Variants in PRDM10 observed in about 807,000 individuals in gnomAD.
PRDM10 encodes PR/SET domain 10, also known as PR domain zinc finger protein 10.
PRDM10 carries 65 observed loss-of-function variants against 133.1 expected under a neutral mutation model. That is an observed-to-expected ratio of 0.49 (90% CI 0.40 to 0.60). PRDM10 has a LOEUF of 0.60. Ranked by LOEUF, PRDM10 falls within the 20% of genes least tolerant of loss-of-function variation. The pLI, the probability that PRDM10 is intolerant of heterozygous loss-of-function variation, is 0.00. For synonymous variants in PRDM10, 582 were observed against 580.4 expected (o/e 1.00, Z -0.04); for missense variants, 1,137 against 1,507.1 (o/e 0.75, Z 4.07).
intron 11 of PRDM10, 94 bp downstream of exon 11, chr11:129,930,922 G>A (rs994486370): frequency 5.4e-6 from 8 of 1,478,218 alleles, no homozygotes; most frequent in Non-Finnish European, 7.2e-6. Flanking sequence ...AGATTTCAGA[G>A]AGGAAGGTGA....
At chr11:129,937,093 G>T (rs550412766) in intron 8 of PRDM10, among the ~76,000 whole-genome samples, 6 of 152,226 alleles carry the variant, frequency 3.9e-5, no homozygotes, top group African/African-American at 9.7e-5. Flanking sequence ...GAAGTCAGGA[G>T]AGAGTTACGC....
At position 129,918,810 on chromosome 11, in the gene PRDM10, A is replaced by C. The variant is rs567963417; in HGVS notation, c.2035-92T>G. 43 of 1,259,494 alleles carry C rather than the reference A, an allele frequency of 3.4e-5. No homozygotes were observed. In the South Asian group the frequency reaches 5.7e-4, roughly 17 times the overall value. 78.0% of individuals were successfully genotyped at this position (1,259,494 alleles called of 1,614,324 possible). A position where few individuals can be genotyped will look rare whatever the true frequency, so the allele number is the denominator to read the frequency against. On this transcript the variant is annotated intron_variant, in intron 13 of 20. Transcript: ENST00000360871. The surrounding 1 kb of genome is among the most constrained non-coding windows in gnomAD (Gnocchi z 5.3). ...ATTTTAAAAATCAATACAAATTAGC[A>C]GTCACCACAAGCCTCCAAGAGACAT... is the stretch of plus-strand genomic sequence containing the variant.
chr11:129,985,793 A>T (rs1938379994), intron 1 of PRDM10, among the ~76,000 whole-genome samples: 1 of 121,170 alleles, frequency 8.3e-6, no homozygotes, highest in African/African-American at 3.9e-5. Flanking sequence ...AAAAAAAAAA[A>T]AAAAAAAAAA....
Position 129,939,972 on chromosome 11 carries a change from T to C in PRDM10, c.967-2302A>G, listed in dbSNP as rs1354317872. Among the ~76,000 whole-genome samples, 5 of 152,192 alleles carry C rather than the reference T, an allele frequency of 3.3e-5. No individual in the cohort carries two copies. The South Asian group carries it at 1.0e-3, about 32-fold the overall frequency. ...CAGCAGAACACTTATTTTTAAAATA[T>C]TGCAGCTGCTTCACATTCTCAATGG... On this transcript the variant is annotated intron_variant, in intron 7 of 20. Coordinates refer to ENST00000360871, the MANE Select transcript of PRDM10 (RefSeq NM_199437.2).
rs767669456 is a variant in PRDM10 at position 129,914,767 on chromosome 11, C to T, written c.2778G>A (p.Ser926=). ...GCTGCTGGAGGCCAGACGCCGACTG[C>T]GACACAGGGATGTACTGAATTCTCT... ...DYQRIQYIPV[S]QSASGLQQPQ... is the part of the protein sequence containing the mutation. Residue 926 remains serine, a synonymous_variant, in exon 17 of 21, where the codon TCG becomes TCA. Transcript: ENST00000360871. 2.2e-5 allele frequency: 35 copies of T among 1,614,110 alleles called. No individual in the cohort carries two copies. Among genetic ancestry groups the T allele is most frequent in the African/African-American group, 4.0e-5 (3 of 74,922 alleles).
intron 1 of PRDM10, among the ~76,000 whole-genome samples, chr11:129,998,203 CTGAG>C (rs1342959462): frequency 2.4e-4 from 36 of 152,026 alleles, no homozygotes; most frequent in Non-Finnish European, 8.8e-5. Context: ...ATCTCAAAAT[CTGAG>C]TGTATGTATT....
rs1555114095 is a variant in PRDM10, at chr11:129,985,809, A to AATATATATATATATAT, written c.-119+16897_-119+16912dup. On this transcript the variant is annotated intron_variant, in intron 1 of 20. Transcript: ENST00000360871. ...AAAAAAAAAAAAAAAAAAAAAAAAA[A>AATATATATATATATAT]ATATATATATATATATATATATATG... 4.7e-4 allele frequency among the ~76,000 whole-genome samples: 29 copies of AATATATATATATATAT among 61,072 alleles called. No homozygotes were observed. The East Asian group carries it at 6.2e-3, about 13-fold the overall frequency. The allele number at this position is 61,072 out of a possible 152,430, so 40.1% of individuals were successfully genotyped here.
Position 129,942,605 on chromosome 11 carries a change from T to C in PRDM10, c.787A>G (p.Lys263Glu). 2 of 1,613,812 alleles carry C rather than the reference T, an allele frequency of 1.2e-6. No homozygotes were observed. The highest frequency in any genetic ancestry group is 1.7e-6 in the Non-Finnish European group (2 of 1,179,960). Residue 263 changes from lysine to glutamate, a missense_variant, in exon 7 of 21, where the codon AAA becomes GAA. Physicochemically the swap from Lys to Glu is moderately conservative, Grantham distance 56. Coordinates refer to ENST00000360871, the MANE Select transcript of PRDM10 (RefSeq NM_199437.2). The part of the protein sequence containing the change: ...LKVSLDKGDR[K>E]ERDLHEDLWF... ...AGGTCTTCATGTAAATCCCTTTCTTTCCTGTCCCCTTTATCAAGAGAAACC... is the reference window on the plus strand; with the variant it reads ...AGGTCTTCATGTAAATCCCTTTCTTCCCTGTCCCCTTTATCAAGAGAAACC...
At chr11:129,969,001 G>A (rs1951961723) in intron 1 of PRDM10, among the ~76,000 whole-genome samples, 1 of 152,188 alleles carries the variant, frequency 6.6e-6, no homozygotes, top group South Asian at 2.1e-4. Context: ...GTAAATAGCA[G>A]ATGCCAGGAG....
At chr11:129,988,390 G>A (rs2135986422) in intron 1 of PRDM10, among the ~76,000 whole-genome samples, 1 of 152,110 alleles carries the variant, frequency 6.6e-6, no homozygotes, top group Non-Finnish European at 1.5e-5. Context: ...CGGGTTATGA[G>A]ACTGGCAATT....
intron 1 of PRDM10, among the ~76,000 whole-genome samples, chr11:129,982,012 C>A (rs1938139128): frequency 6.6e-6 from 1 of 151,964 alleles, no homozygotes; most frequent in Admixed American, 6.6e-5. Flanking sequence ...AATTCCAACA[C>A]TTCTGGAGGC....
intron 1 of PRDM10, among the ~76,000 whole-genome samples, chr11:130,002,182 G>A (rs1249748496): frequency 2.0e-5 from 3 of 148,192 alleles, no homozygotes; most frequent in East Asian, 3.9e-4. Context: ...CCCGGCCGGC[G>A]GAGACCTGCC....
intron 1 of PRDM10, among the ~76,000 whole-genome samples, chr11:129,970,607 C>A (rs1201653151): frequency 6.6e-6 from 1 of 151,236 alleles, no homozygotes; most frequent in Non-Finnish European, 1.5e-5. Context: ...TGCAGTGGCA[C>A]GATCTCAGCT....
At position 129,937,659 on chromosome 11, in the gene PRDM10, G is replaced by T. The variant is rs141452900; in HGVS notation, c.978C>A (p.Ala326=). ...EPKQELKVWY[A]ASYAEFVNQK... Reference sequence around the variant, plus strand: ...GGTTCACGAACTCAGCATAGGATGCGGCATACCACACCTGCAAGAAGCAAG... The same window carrying T: ...GGTTCACGAACTCAGCATAGGATGCTGCATACCACACCTGCAAGAAGCAAG... Residue 326 remains alanine (A), a synonymous_variant, in exon 8 of 21, where the codon GCC becomes GCA. Transcript: ENST00000360871. 2 of 1,613,004 alleles carry T rather than the reference G, an allele frequency of 1.2e-6. No individual in the cohort carries two copies. Among genetic ancestry groups the T allele is most frequent in the East Asian group, 2.2e-5 (1 of 44,862 alleles).
chr11:129,921,698 C>G (rs951484134), intron 13 of PRDM10, among the ~76,000 whole-genome samples: 6 of 152,170 alleles, frequency 3.9e-5, no homozygotes, highest in Non-Finnish European at 1.5e-5. Flanking sequence ...AGTCTTCTTC[C>G]CAGCATGGTT....
chr11:129,985,107 T>C (rs1358355669), intron 1 of PRDM10, among the ~76,000 whole-genome samples: 1 of 152,216 alleles, frequency 6.6e-6, no homozygotes, highest in Admixed American at 6.5e-5. Flanking sequence ...CCTGCAACCA[T>C]GACCGGCCCA....
chr11:129,934,821 T>C (rs1950976208), intron 9 of PRDM10, among the ~76,000 whole-genome samples: 1 of 152,260 alleles, frequency 6.6e-6, no homozygotes, highest in Non-Finnish European at 1.5e-5. Flanking sequence ...AGGTATGTCC[T>C]ATCTCAAAAA....
chr11:129,956,800 T>C (rs1344218301), intron 3 of PRDM10, among the ~76,000 whole-genome samples: 1 of 152,198 alleles, frequency 6.6e-6, no homozygotes, highest in East Asian at 1.9e-4. Flanking sequence ...CTGAGCCTCT[T>C]TATTGAATAT....
intron 1 of PRDM10, among the ~76,000 whole-genome samples, chr11:129,990,110 C>T (rs1938646182): frequency 6.6e-6 from 1 of 151,492 alleles, no homozygotes; most frequent in Admixed American, 6.6e-5. Context: ...CTTTGGGAGG[C>T]CGAGGCAGGT....
Sources: gnomAD v4.1 joint callset for allele counts (sites outside exome capture counted in the v4.1 genomes callset) on GRCh38, gnomAD v4.1.1 for gene constraint, Gnocchi (gnomAD v3.1) non-coding constraint, MANE v1.5 for transcripts, NCBI Gene and HGNC (gene_info 2026-07-23, HGNC 2026-07-21) for gene names.